The following ATP10B variants were observed in gnomAD, a reference collection of about 807,000 sequenced individuals.
ATP10B encodes phospholipid-transporting ATPase VB.
A neutral mutation model predicts 141.2 loss-of-function variants in ATP10B; 122 were observed. The ratio of observed to expected loss-of-function variants is 0.86; its 90% CI spans 0.75 to 1.00. The LOEUF is 1.00. ATP10B is among the 50% of genes least tolerant of loss of function. ATP10B has a pLI of 0.00. For missense variants in ATP10B, 1,876 were observed against 1,825.3 expected (o/e 1.03, Z -0.51); for synonymous variants, 685 against 692.0 (o/e 0.99, Z 0.16).
At chr5:160,673,250 T>C (rs1762825376) in intron 6 of ATP10B, among the ~76,000 whole-genome samples, 1 of 152,252 alleles carries the variant, frequency 6.6e-6, no homozygotes, top group Admixed American at 6.5e-5. Context: ...CATTCTGTGC[T>C]TCCACTCCAC....
the ATP10B span, among the ~76,000 whole-genome samples, chr5:160,912,384 C>T: frequency 7.2e-6 from 1 of 138,912 alleles, no homozygotes; most frequent in Non-Finnish European, 1.5e-5. Flanking sequence ...TGAGACCAGC[C>T]TGGCCAATAT....
the ATP10B span, among the ~76,000 whole-genome samples, chr5:160,887,828 C>G: frequency 6.6e-6 from 1 of 152,168 alleles, no homozygotes; most frequent in Non-Finnish European, 1.5e-5. Flanking sequence ...TGTACAAGCA[C>G]ACTCCACCTT....
chr5:160,766,058 T>C (rs7726163), intron 2 of ATP10B, among the ~76,000 whole-genome samples: 41,245 of 151,872 alleles, frequency 0.27, 6,819 homozygotes, highest in African/African-American at 0.44. Flanking sequence ...AAAAAATAGA[T>C]GTTGGCGTGG....
intron 2 of ATP10B, among the ~76,000 whole-genome samples, chr5:160,760,187 A>T (rs1156368282): frequency 6.6e-6 from 1 of 152,240 alleles, no homozygotes; most frequent in African/African-American, 2.4e-5. Context: ...AATATAAGCC[A>T]ACACCTTTAC....
At chr5:160,601,994 G>A (rs1202819995) in intron 21 of ATP10B, among the ~76,000 whole-genome samples, 1 of 152,172 alleles carries the variant, frequency 6.6e-6, no homozygotes, top group East Asian at 1.9e-4. Flanking sequence ...CTCTTGCACT[G>A]AGCTGGCTCT....
At chr5:160,816,113 A>C (rs1773599190) in intron 1 of ATP10B, among the ~76,000 whole-genome samples, 1 of 151,026 alleles carries the variant, frequency 6.6e-6, no homozygotes, top group Admixed American at 6.6e-5. Flanking sequence ...CTAGAGAAGC[A>C]AGAGCAAACA....
intron 1 of ATP10B, among the ~76,000 whole-genome samples, chr5:160,811,448 G>T (rs1773145722): frequency 3.9e-5 from 6 of 152,132 alleles, no homozygotes; most frequent in Admixed American, 3.9e-4. Flanking sequence ...GGGGAGCCCA[G>T]TACTTGGAAG....
At chr5:160,569,248 T>G (rs978303763) in intron 25 of ATP10B, among the ~76,000 whole-genome samples, 1 of 152,232 alleles carries the variant, frequency 6.6e-6, no homozygotes, top group Non-Finnish European at 1.5e-5. Flanking sequence ...ACTCCCATTT[T>G]ATAGATGTCA....
chr5:160,641,754 G>A (rs1019303133), intron 9 of ATP10B, among the ~76,000 whole-genome samples: 3 of 152,186 alleles, frequency 2.0e-5, no homozygotes, highest in East Asian at 1.9e-4. Context: ...AAACACATCA[G>A]TTGCATATTT....
chr5:160,582,970 C>G (rs957533458), intron 24 of ATP10B, among the ~76,000 whole-genome samples: 1 of 152,122 alleles, frequency 6.6e-6, no homozygotes, highest in Non-Finnish European at 1.5e-5. Flanking sequence ...TTTTAGTTAG[C>G]CATCCCTCTA....
chr5:160,692,324 T>A (rs1477361326), intron 3 of ATP10B, among the ~76,000 whole-genome samples: 1 of 152,194 alleles, frequency 6.6e-6, no homozygotes, highest in Non-Finnish European at 1.5e-5. Flanking sequence ...ATAAAAAGAA[T>A]CACTTTTTAG....
intron 24 of ATP10B, among the ~76,000 whole-genome samples, chr5:160,586,701 T>A (rs951829988): frequency 6.6e-6 from 1 of 152,258 alleles, no homozygotes; most frequent in African/African-American, 2.4e-5. Flanking sequence ...ATTATGGTTT[T>A]GATTTGCATT....
the ATP10B span, among the ~76,000 whole-genome samples, chr5:160,870,962 A>T: frequency 4.6e-5 from 1 of 21,522 alleles, no homozygotes; most frequent in African/African-American, 9.6e-5. Context: ...ACAACCTACA[A>T]TTCTGTACTT....
In ATP10B at chr5:160,687,938, C is replaced by T. The variant is rs373861337; in HGVS notation, c.137G>A (p.Arg46Gln). The change falls in exon 5 of 26, where the codon CGG (arginine) becomes CAG (glutamine). Residue 46 changes from arginine to glutamine, a missense_variant. Arg to Gln is a conservative substitution (Grantham distance 43). Transcript: ENST00000327245. ...TATGCTGTTGTTGGGGAACACGACCCGCTGCTGTGTCAAGTTGTAGCTCTG... is the reference window on the plus strand; with the variant it reads ...TATGCTGTTGTTGGGGAACACGACCTGCTGCTGTGTCAAGTTGTAGCTCTG... ...GRQSYNLTQQ[R>Q]VVFPNNSIFH... The T allele has an allele frequency of 1.1e-5, 18 of 1,613,954 alleles. No homozygotes were observed. Among genetic ancestry groups the T allele is most frequent in the African/African-American group, 8.0e-5 (6 of 74,876 alleles).
chr5:160,884,681 A>G, the ATP10B span, among the ~76,000 whole-genome samples: 24 of 152,310 alleles, frequency 1.6e-4, no homozygotes, highest in East Asian at 4.4e-3. Context: ...AATTGATATA[A>G]GTATTCCATT....
the ATP10B span, among the ~76,000 whole-genome samples, chr5:160,871,328 T>C: frequency 6.6e-6 from 1 of 152,014 alleles, no homozygotes; most frequent in Non-Finnish European, 1.5e-5. Context: ...TACTCAATTG[T>C]TGTTATAATG....
chr5:160,585,093 A>T (rs1042981964), intron 24 of ATP10B, among the ~76,000 whole-genome samples: 4 of 152,098 alleles, frequency 2.6e-5, no homozygotes, highest in African/African-American at 9.7e-5. Context: ...CTTCTCCATC[A>T]TTCTTTTTTC....
chr5:160,823,015 T>TATATATATATATAC (rs1774279130), intron 1 of ATP10B, among the ~76,000 whole-genome samples: 1 of 117,486 alleles, frequency 8.5e-6, no homozygotes, highest in African/African-American at 3.2e-5. Context: ...TATATATATA[T>TATATATATATATAC]ATATATATAT....
chr5:160,913,396 A>G, the ATP10B span, among the ~76,000 whole-genome samples: 4 of 152,274 alleles, frequency 2.6e-5, no homozygotes, highest in South Asian at 6.2e-4. Context: ...TTGTTGGATC[A>G]TGGAGGCCAC....
Sources: allele counts gnomAD v4.1 joint callset (sites outside exome capture counted in the v4.1 genomes callset), GRCh38; gene constraint gnomAD v4.1.1; transcripts MANE v1.5; gene names NCBI Gene and HGNC (gene_info 2026-07-23, HGNC 2026-07-21).